The following RGS3 variants were observed in gnomAD, a reference collection of about 807,000 sequenced individuals.
RGS3 encodes regulator of G protein signaling 3, also known as regulator of G-protein signalling 3.
A neutral mutation model predicts 132.6 loss-of-function variants in RGS3; 80 were observed. The ratio of observed to expected loss-of-function variants is 0.60; its 90% CI spans 0.50 to 0.73. The LOEUF (loss-of-function observed/expected upper bound fraction) is 0.73. Among genes scored for constraint, RGS3 ranks in the 30% least tolerant of loss-of-function variants. The probability of loss-of-function intolerance (pLI) is 0.00; values close to 1 mark genes in which losing one functional copy is unlikely to be tolerated. For synonymous variants in RGS3, 598 were observed against 620.6 expected, an observed-to-expected ratio of 0.96 and a Z score of 0.54; for missense variants, 1,382 against 1,530.8, an observed-to-expected ratio of 0.90 and a Z score of 1.62.
intron 1 of RGS3, among the ~76,000 whole-genome samples, chr9:113,450,534 G>A (rs1173089128): frequency 6.6e-6 from 1 of 152,208 alleles, no homozygotes; most frequent in African/African-American, 2.4e-5. Context: ...TCAGAGAGAA[G>A]GGTGGAGGCA....
rs1832912855 is a variant in RGS3, at chr9:113,541,769, GGA to G, written c.2037+4855_2037+4856del. On this transcript the variant is annotated intron_variant, in intron 19 of 24. Transcript: ENST00000350696. Reference sequence around the variant, plus strand: ...GCCTTGGGGGCAGCAGGAGAGGTTGGGAGAGGTCACCCTGATGAAGAACAATG... The same window carrying G: ...GCCTTGGGGGCAGCAGGAGAGGTTGGGAGGTCACCCTGATGAAGAACAATG... The G allele has an allele frequency of 1.7e-5, 17 of 1,016,126 alleles. No homozygotes were observed. In the South Asian group the frequency reaches 6.7e-4, roughly 40 times the overall value. 62.9% of individuals were successfully genotyped at this position (1,016,126 alleles called of 1,614,324 possible). A position where few individuals can be genotyped will look rare whatever the true frequency, so the allele number is the denominator to read the frequency against.
intron 3 of RGS3, among the ~76,000 whole-genome samples, chr9:113,474,134 A>G (rs1384059454): frequency 2.0e-5 from 3 of 152,224 alleles, no homozygotes; most frequent in East Asian, 1.9e-4. Flanking sequence ...TGAGTAGACT[A>G]GAAGACTTAT....
chr9:113,514,402 G>A (rs1831550767), intron 14 of RGS3, 56 bp from the exon 13 acceptor site: 3 of 1,494,318 alleles, frequency 2.0e-6, no homozygotes, highest in African/African-American at 2.8e-5. Context: ...CTACAGAGGG[G>A]ACACCTTTGC....
intron 15 of RGS3, among the ~76,000 whole-genome samples, chr9:113,517,072 T>A (rs765667669): frequency 3.3e-5 from 5 of 152,152 alleles, no homozygotes; most frequent in Non-Finnish European, 7.3e-5. Context: ...AAGTGTGCTA[T>A]GAGTGCAGAG....
chr9:113,536,436 G>A (rs1832678392), intron 18 of RGS3: 1 of 990,090 alleles, frequency 1.0e-6, no homozygotes, highest in African/African-American at 1.7e-5. Context: ...CTGAGGCCCT[G>A]GCCCTCTGGG....
Position 113,565,203 on chromosome 9 carries a change from G to A in RGS3, c.2038-18247G>A, listed in dbSNP as rs746536780. On this transcript the variant is annotated intron_variant, in intron 19 of 24. Coordinates refer to ENST00000350696, the Ensembl canonical transcript of RGS3. This position sits in a 1 kb window ranked among gnomAD's most constrained non-coding sequence, Gnocchi z 5.7. ...CCCGGGAGCCAGCTGGGCCCCTCGC[G>A]GGGTGGGCAGAAGGACGGGCTGGCC... 1.0e-5 allele frequency: 13 copies of A among 1,251,396 alleles called. No homozygotes were observed. The highest frequency in any genetic ancestry group is 1.3e-5 in the South Asian group (1 of 74,788). 77.5% of individuals were successfully genotyped at this position (1,251,396 alleles called of 1,614,324 possible).
intron 3 of RGS3, among the ~76,000 whole-genome samples, chr9:113,466,742 A>G (rs1458546102): frequency 2.6e-5 from 4 of 152,246 alleles, no homozygotes; most frequent in Non-Finnish European, 2.9e-5. Flanking sequence ...AATATAATTC[A>G]GATATATACA....
chr9:113,494,706 C>CAA (rs1229208044), intron 7 of RGS3, among the ~76,000 whole-genome samples: 1 of 152,206 alleles, frequency 6.6e-6, no homozygotes, highest in Non-Finnish European at 1.5e-5. Context: ...AGGCTGGTCT[C>CAA]AAACTCCTGG....
chr9:113,507,557 C>A lies in RGS3; in HGVS notation c.1356C>A (p.His452Gln). 1.3e-6 allele frequency: 2 copies of A among 1,583,466 alleles called. No individual in the cohort carries two copies. The highest frequency in any genetic ancestry group is 1.7e-5 in the Admixed American group (1 of 57,438). Residue 452 changes from histidine to glutamine, a missense_variant, in exon 13 of 25, where the codon CAC (histidine) becomes CAA (glutamine). His to Gln is a conservative substitution (Grantham distance 24). Transcript: ENST00000350696. This position sits in a 1 kb window ranked among gnomAD's most constrained non-coding sequence, Gnocchi z 5.0. ...AGGTGGCCAAGCGCGGGGGCCAGCACACCCTGCCTGCACTGTCCCGTGCCA... is the reference window on the plus strand; with the variant it reads ...AGGTGGCCAAGCGCGGGGGCCAGCAAACCCTGCCTGCACTGTCCCGTGCCA...
intron 19 of RGS3, chr9:113,581,555 G>A (rs1588284853): frequency 1.3e-5 from 2 of 152,260 alleles, no homozygotes; most frequent in South Asian, 4.1e-4. Context: ...ACCATCTTCT[G>A]TAGGAGCTTT....
intron 20 of RGS3, among the ~76,000 whole-genome samples, chr9:113,586,746 G>A (rs568145588): frequency 1.1e-4 from 16 of 152,320 alleles, no homozygotes; most frequent in South Asian, 6.2e-4. Flanking sequence ...GACAAACACC[G>A]TGGTCTAGCT....
intron 15 of RGS3, 96 bp from the exon 14 acceptor site, chr9:113,517,445 T>C: frequency 1.0e-6 from 1 of 953,894 alleles, no homozygotes; most frequent in East Asian, 2.4e-5. Context: ...GGTCAGAGGG[T>C]TCTCTGTGGC....
rs565150711 is a variant in RGS3, at chr9:113,470,504, T to G, written c.415+8303T>G. On this transcript the variant is annotated intron_variant, in intron 3 of 24. Coordinates refer to ENST00000350696, the Ensembl canonical transcript of RGS3. ...TTTATTATGAAATCTATTATTGTTATGAAGTCTTCTTTATTTCTAGTAGGT... is the reference window on the plus strand; with the variant it reads ...TTTATTATGAAATCTATTATTGTTAGGAAGTCTTCTTTATTTCTAGTAGGT... Among the ~76,000 whole-genome samples, 3 of 152,372 alleles carry G rather than the reference T, an allele frequency of 2.0e-5. No individual in the cohort carries two copies. The South Asian group carries it at 6.2e-4, about 32-fold the overall frequency.
At position 113,494,135 on chromosome 9, in the gene RGS3, A is replaced by G. The variant is rs1447805209; in HGVS notation, c.690-1651A>G. On this transcript the variant is annotated intron_variant, in intron 7 of 24. Transcript: ENST00000350696. Reference sequence around the variant, plus strand: ...AGAGAGAGGAGAACAGAAAGATGACATTAAAAAAAAACTCTTACTGTCAGG... The same window carrying G: ...AGAGAGAGGAGAACAGAAAGATGACGTTAAAAAAAAACTCTTACTGTCAGG... Among the ~76,000 whole-genome samples the G allele has an allele frequency of 2.6e-5, 4 of 152,276 alleles. No homozygotes were observed. In the East Asian group the frequency reaches 7.7e-4, roughly 29 times the overall value.
At chr9:113,503,483 G>A (rs530464509) in intron 10 of RGS3, 284 of 152,434 alleles carry the variant, frequency 1.9e-3, no homozygotes, top group Non-Finnish European at 3.4e-3. Flanking sequence ...CTGTGGTCTG[G>A]GCTGGCACTT....
At chr9:113,593,678 G>T (rs372762039) in intron 21 of RGS3, 13 of 548,586 alleles carry the variant, frequency 2.4e-5, no homozygotes, top group Non-Finnish European at 3.6e-5. Flanking sequence ...CCTGTACAGG[G>T]GGTCTAGGGA....
At chr9:113,586,730 G>A (rs966496213) in intron 20 of RGS3, among the ~76,000 whole-genome samples, 7 of 152,218 alleles carry the variant, frequency 4.6e-5, no homozygotes, top group African/African-American at 9.6e-5. Flanking sequence ...ATGAAGCCCC[G>A]GATGGGACAA....
intron 10 of RGS3, among the ~76,000 whole-genome samples, chr9:113,498,760 C>T (rs1047594179): frequency 4.0e-5 from 6 of 151,494 alleles, no homozygotes; most frequent in African/African-American, 9.7e-5. Flanking sequence ...ACTAAAAATA[C>T]AAAAAAATTA....
upstream of RGS3, among the ~76,000 whole-genome samples, chr9:113,455,523 TTAC>T (rs570829778): frequency 2.5e-4 from 38 of 152,328 alleles, no homozygotes; most frequent in South Asian, 5.0e-3. Flanking sequence ...TGGACTCAAC[TTAC>T]TAGTTCACAT....
Sources: gnomAD v4.1 joint callset for allele counts (sites outside exome capture counted in the v4.1 genomes callset) on GRCh38, gnomAD v4.1.1 for gene constraint, Gnocchi (gnomAD v3.1) non-coding constraint, MANE v1.5 for transcripts, NCBI Gene and HGNC (gene_info 2026-07-23, HGNC 2026-07-21) for gene names.